MAN1C1: variants seen among roughly 807,000 people sequenced by gnomAD.
MAN1C1 encodes mannosyl-oligosaccharide 1,2-alpha-mannosidase IC.
In MAN1C1, 49 loss-of-function variants were observed where a neutral mutation model predicts 71.5. The ratio of observed to expected loss-of-function variants is 0.69; its 90% CI spans 0.54 to 0.87. The LOEUF (loss-of-function observed/expected upper bound fraction) is 0.87, where lower values mean the gene tolerates loss of function less well. MAN1C1 is among the 40% of genes least tolerant of loss of function. The probability of loss-of-function intolerance (pLI) is 0.00; values close to 1 mark genes in which losing one functional copy is unlikely to be tolerated. For synonymous variants in MAN1C1, 352 were observed against 343.7 expected (o/e 1.02, Z -0.27); for missense variants, 743 against 835.0 (o/e 0.89, Z 1.36).
rs758226944 is a variant in MAN1C1, at chr1:25,778,679, C to T, written c.1477+355C>T. ...GATCCTCCAGCCCCGGAGGCAGAAA[C>T]GGCGGCTTCCTGAGCCCGGCACATG... On this transcript the variant is annotated intron_variant, in intron 9 of 11. Coordinates refer to ENST00000374332, the MANE Select transcript of MAN1C1 (RefSeq NM_020379.4). The surrounding 1 kb of genome is among the most constrained non-coding windows in gnomAD (Gnocchi z 5.5). Among the ~76,000 whole-genome samples the T allele has an allele frequency of 2.4e-4, 36 of 152,130 alleles. No individual in the cohort carries two copies. The highest frequency in any genetic ancestry group is 3.9e-4 in the Admixed American group (6 of 15,276).
In MAN1C1 at chr1:25,617,919, T is replaced by A. The variant is rs374683683; in HGVS notation, c.122T>A (p.Phe41Tyr). ...GLVTLCFGAL[F>Y]LLPHSSRLKR... Reference sequence around the variant, plus strand: ...GTCACCCTGTGCTTCGGGGCCCTCTTCCTGCTGCCCCACTCCTCTCGCCTC... The same window carrying A: ...GTCACCCTGTGCTTCGGGGCCCTCTACCTGCTGCCCCACTCCTCTCGCCTC... The change falls in exon 1 of 12, where the codon TTC becomes TAC. Residue 41 changes from phenylalanine (F) to tyrosine (Y), a missense_variant. Coordinates refer to ENST00000374332, the MANE Select transcript of MAN1C1 (RefSeq NM_020379.4). This position sits in a 1 kb window ranked among gnomAD's most constrained non-coding sequence, Gnocchi z 5.1. The A allele has an allele frequency of 1.2e-6, 2 of 1,607,178 alleles. No individual in the cohort carries two copies. Among genetic ancestry groups the A allele is most frequent in the Non-Finnish European group, 1.7e-6 (2 of 1,177,598 alleles).
chr1:25,692,210 A>G (rs993702506), intron 2 of MAN1C1, among the ~76,000 whole-genome samples: 2 of 152,208 alleles, frequency 1.3e-5, no homozygotes, highest in Admixed American at 6.5e-5. Context: ...GTTCAAGGCC[A>G]TGCTGTCAAA....
At chr1:25,626,642 G>A (rs2045298831) in intron 1 of MAN1C1, among the ~76,000 whole-genome samples, 1 of 152,162 alleles carries the variant, frequency 6.6e-6, no homozygotes, top group South Asian at 2.1e-4. Flanking sequence ...ACAGGTGTGA[G>A]CCACTGCGCC....
intron 2 of MAN1C1, among the ~76,000 whole-genome samples, chr1:25,705,565 C>A (rs1447120679): frequency 6.6e-6 from 1 of 152,218 alleles, no homozygotes; most frequent in Non-Finnish European, 1.5e-5. Context: ...TACACATTTG[C>A]CTTAGTGTTG....
intron 1 of MAN1C1, among the ~76,000 whole-genome samples, chr1:25,639,020 A>G (rs1283396935): frequency 1.3e-5 from 2 of 152,082 alleles, no homozygotes; most frequent in Non-Finnish European, 2.9e-5. Flanking sequence ...GAGGTCACTG[A>G]GGCTCTGCTC....
At chr1:25,752,215 T>C (rs2047225629) in intron 4 of MAN1C1, among the ~76,000 whole-genome samples, 2 of 152,092 alleles carry the variant, frequency 1.3e-5, no homozygotes, top group Admixed American at 1.3e-4. Flanking sequence ...ATCCTCTCAT[T>C]TGATTTCCAC....
chr1:25,646,244 A>G (rs546012267), intron 1 of MAN1C1: 1 of 152,306 alleles, frequency 6.6e-6, no homozygotes, highest in African/African-American at 2.4e-5. Flanking sequence ...TGGCCATCTC[A>G]CCAACTACAC....
chr1:25,726,631 G>A (rs146960037), intron 2 of MAN1C1, among the ~76,000 whole-genome samples: 1 of 152,194 alleles, frequency 6.6e-6, no homozygotes, highest in East Asian at 1.9e-4. Context: ...GTAGGCATTC[G>A]GGCCATGGTT....
Position 25,758,725 on chromosome 1 carries a change from AC to A in MAN1C1, c.1047+19del, listed in dbSNP as rs776094027. On this transcript the variant is annotated intron_variant, in intron 6 of 11. Coordinates refer to ENST00000374332, the MANE Select transcript of MAN1C1 (RefSeq NM_020379.4). ...CGCTGAAAAGGCAAGTCTCCTCCCC[AC>A]CCTTCTTCCTGCGGAGCAGAGGGAT... 1.5e-5 allele frequency: 24 copies of A among 1,601,232 alleles called. No homozygotes were observed. The highest frequency in any genetic ancestry group is 2.7e-5 in the African/African-American group (2 of 74,594).
chr1:25,634,503 A>G lies in MAN1C1; in HGVS notation c.540+16166A>G, dbSNP rs531101262. ...TATTGTTTTCCTCTTTAATTCAGTC[A>G]ATACAGTGAATTATATTTTTAAAAG... is the stretch of plus-strand genomic sequence containing the variant. On this transcript the variant is annotated intron_variant, in intron 1 of 11. Coordinates refer to ENST00000374332, the MANE Select transcript of MAN1C1 (RefSeq NM_020379.4). The surrounding 1 kb of genome is among the most constrained non-coding windows in gnomAD (Gnocchi z 4.6). 1.4e-3 allele frequency among the ~76,000 whole-genome samples: 214 copies of G among 152,234 alleles called. No individual in the cohort carries two copies. The highest frequency in any genetic ancestry group is 5.0e-3 in the African/African-American group (206 of 41,538).
chr1:25,657,070 C>T (rs1434548068), intron 1 of MAN1C1, among the ~76,000 whole-genome samples: 2 of 152,136 alleles, frequency 1.3e-5, no homozygotes, highest in East Asian at 1.9e-4. Flanking sequence ...CATGATCCAC[C>T]CTCCTTGGCC....
At chr1:25,739,194 CA>C (rs759385479) in intron 2 of MAN1C1, among the ~76,000 whole-genome samples, 4 of 152,130 alleles carry the variant, frequency 2.6e-5, no homozygotes, top group Non-Finnish European at 5.9e-5. Context: ...TCCAGATGAT[CA>C]CAATGGTCTG....
rs2047657892 is a variant in MAN1C1 at position 25,779,038 on chromosome 1, TTCCACCCCGTGCGCAAAC to T, written c.1477+716_1477+733del. Among the ~76,000 whole-genome samples the T allele has an allele frequency of 6.6e-6, 1 of 152,122 alleles. No homozygotes were observed. The highest frequency in any genetic ancestry group is 1.5e-5 in the Non-Finnish European group (1 of 68,014). ...GGAACCCAGGCCTTCTGATGCCTGG[TTCCACCCCGTGCGCAAAC>T]TGCACCCCTCAGAAAAATCCCCAGC... On this transcript the variant is annotated intron_variant, in intron 9 of 11. Transcript: ENST00000374332. This position sits in a 1 kb window ranked among gnomAD's most constrained non-coding sequence, Gnocchi z 4.6.
intron 1 of MAN1C1, among the ~76,000 whole-genome samples, chr1:25,654,626 A>G (rs1411794209): frequency 1.3e-5 from 2 of 151,644 alleles, no homozygotes; most frequent in African/African-American, 2.4e-5. Flanking sequence ...TAATCTGCTC[A>G]TGTTTAGGCT....
Position 25,778,481 on chromosome 1 carries a change from C to T in MAN1C1, c.1477+157C>T, listed in dbSNP as rs891804039. Among the ~76,000 whole-genome samples the T allele has an allele frequency of 6.6e-6, 1 of 152,176 alleles. No individual in the cohort carries two copies. The highest frequency in any genetic ancestry group is 2.4e-5 in the African/African-American group (1 of 41,444). ...TTTGAGAGAGGTACTCTCCAGGCTC[C>T]GAGACCATACCCTGAATGAAAGGGA... is the stretch of plus-strand genomic sequence containing the variant. On this transcript the variant is annotated intron_variant, in intron 9 of 11. Transcript: ENST00000374332. The surrounding 1 kb of genome is among the most constrained non-coding windows in gnomAD (Gnocchi z 5.5).
Position 25,730,950 on chromosome 1 carries a change from GGT to G in MAN1C1, c.638-15717_638-15716del, listed in dbSNP as rs1276499454. Among the ~76,000 whole-genome samples the G allele has an allele frequency of 6.6e-6, 1 of 152,186 alleles. No individual in the cohort carries two copies. Among genetic ancestry groups the G allele is most frequent in the Non-Finnish European group, 1.5e-5 (1 of 68,034 alleles). On this transcript the variant is annotated intron_variant, in intron 2 of 11. Transcript: ENST00000374332. This position sits in a 1 kb window ranked among gnomAD's most constrained non-coding sequence, Gnocchi z 4.3. ...AGTCATTTGGCTGTGGTCACAGGCT[GGT>G]AAGCCACAGAGCCAAGGCACATGGT... is the stretch of plus-strand genomic sequence containing the variant.
chr1:25,679,590 G>A (rs2046117533), intron 1 of MAN1C1, among the ~76,000 whole-genome samples: 2 of 149,154 alleles, frequency 1.3e-5, no homozygotes, highest in South Asian at 2.1e-4. Context: ...TCAGACTTAC[G>A]GAAAAGTTAC....
At chr1:25,721,920 C>T (rs957468376) in intron 2 of MAN1C1, among the ~76,000 whole-genome samples, 1 of 152,164 alleles carries the variant, frequency 6.6e-6, no homozygotes, top group Non-Finnish European at 1.5e-5. Context: ...TTTGCTGGTT[C>T]CTTTGTCTCT....
intron 2 of MAN1C1, among the ~76,000 whole-genome samples, chr1:25,744,868 C>T (rs1024655970): frequency 3.3e-5 from 5 of 152,184 alleles, no homozygotes; most frequent in Non-Finnish European, 7.3e-5. Flanking sequence ...GTTTCCACTG[C>T]GGAAGGTGGA....
Sources: gnomAD v4.1 joint callset for allele counts (sites outside exome capture counted in the v4.1 genomes callset) on GRCh38, gnomAD v4.1.1 for gene constraint, Gnocchi (gnomAD v3.1) non-coding constraint, MANE v1.5 for transcripts, NCBI Gene and HGNC (gene_info 2026-07-23, HGNC 2026-07-21) for gene names.